PLA2R1: variants seen among roughly 807,000 people sequenced by gnomAD.
The protein encoded by PLA2R1 is secretory phospholipase A2 receptor.
A neutral mutation model predicts 195.9 loss-of-function variants in PLA2R1; 158 were observed. The ratio of observed to expected loss-of-function variants is 0.81; its 90% CI spans 0.71 to 0.92. The LOEUF (loss-of-function observed/expected upper bound fraction) is 0.92, where lower values mean the gene tolerates loss of function less well. Among genes scored for constraint, PLA2R1 ranks in the 40% least tolerant of loss-of-function variants. The pLI is 0.00. For missense variants in PLA2R1, 1,626 were observed against 1,764.6 expected (o/e 0.92, Z 1.41); for synonymous variants, 586 against 598.2 (o/e 0.98, Z 0.30).
At chr2:159,929,773 T>C (rs1686546197), downstream of PLA2R1, among the ~76,000 whole-genome samples, 1 of 151,624 alleles carries the variant, frequency 6.6e-6, no homozygotes, top group Admixed American at 6.6e-5. Flanking sequence ...AATCAATGAG[T>C]GGATAAAGAA....
At position 160,044,912 on chromosome 2, in the gene PLA2R1, T is replaced by C; in HGVS notation, c.355A>G (p.Arg119Gly). The C allele has an allele frequency of 1.2e-6, 2 of 1,614,140 alleles. No individual in the cohort carries two copies. Among genetic ancestry groups the C allele is most frequent in the Non-Finnish European group, 1.7e-6 (2 of 1,180,024 alleles). Residue 119 changes from arginine to glycine, a missense_variant, in exon 2 of 30, where the codon AGG becomes GGG. Physicochemically the swap from Arg to Gly is moderately radical, Grantham distance 125. Transcript: ENST00000283243. ...TLVSLRWRCN[R>G]KMITGPLQYS... ...TGCAGCGGGCCTGTGATCATCTTCC[T>C]GTTACAGCGCCACCGTAAGGAAACG...
intron 24 of PLA2R1, among the ~76,000 whole-genome samples, chr2:159,949,993 A>G (rs756165670): frequency 6.6e-6 from 1 of 152,230 alleles, no homozygotes; most frequent in Non-Finnish European, 1.5e-5. Flanking sequence ...CCCTGCCACA[A>G]TGATTTTCTA....
chr2:159,974,730 G>A (rs988641402), intron 17 of PLA2R1, among the ~76,000 whole-genome samples: 1 of 143,054 alleles, frequency 7.0e-6, no homozygotes, highest in African/African-American at 3.0e-5. Flanking sequence ...ACATCTAGTG[G>A]TTGTTCTGCA....
At chr2:160,017,003 G>C (rs1245709403) in intron 8 of PLA2R1, among the ~76,000 whole-genome samples, 2 of 152,198 alleles carry the variant, frequency 1.3e-5, no homozygotes, top group African/African-American at 4.8e-5. Flanking sequence ...TTAATGCAGG[G>C]CGATTTTCAT....
rs1266824585 is a variant in PLA2R1 at position 159,940,673 on chromosome 2, T to C, written c.*1105A>G. ...TAATAAAGGAAAATAAAATCTGTAA[T>C]TTTTTATTTACAGACAGTATCATAA... On this transcript the variant is annotated 3_prime_UTR_variant, in exon 30 of 30. Coordinates refer to ENST00000283243, the MANE Select transcript of PLA2R1 (RefSeq NM_007366.5). 6.6e-6 allele frequency: 1 copy of C among 152,220 alleles called. No individual in the cohort carries two copies. Among genetic ancestry groups the C allele is most frequent in the African/African-American group, 2.4e-5 (1 of 41,452 alleles). The allele number at this position is 152,220 out of a possible 1,614,324, so 9.4% of individuals were successfully genotyped here.
At position 159,987,254 on chromosome 2, in the gene PLA2R1, C is replaced by A. The variant is rs1487635779; in HGVS notation, c.1939G>T (p.Val647Phe). 2 of 1,613,758 alleles carry A rather than the reference C, an allele frequency of 1.2e-6. No homozygotes were observed. Among genetic ancestry groups the A allele is most frequent in the Admixed American group, 1.7e-5 (1 of 60,022 alleles). ...TACTCTGCTTTTTCCTGATTTTCAA[C>A]TGGCTGCTTGCACAAGGACATTGCC... Reference protein sequence around the residue: ...FKAMSLCKQPVENQEKAEYEE... With the variant: ...FKAMSLCKQPFENQEKAEYEE... Residue 647 changes from valine to phenylalanine, a missense_variant, in exon 12 of 30, where the codon GTT becomes TTT. Val to Phe is a conservative substitution (Grantham distance 50). Coordinates refer to ENST00000283243, the MANE Select transcript of PLA2R1 (RefSeq NM_007366.5).
At position 159,938,083 on chromosome 2, in the gene PLA2R1, G is replaced by A. The variant is rs1340222736; in HGVS notation, c.*3695C>T. 1 of 152,208 alleles carries A rather than the reference G, an allele frequency of 6.6e-6. No individual in the cohort carries two copies. Among genetic ancestry groups the A allele is most frequent in the Non-Finnish European group, 1.5e-5 (1 of 68,040 alleles). The allele number at this position is 152,208 out of a possible 1,614,324, so 9.4% of individuals were successfully genotyped here. A position where few individuals can be genotyped will look rare whatever the true frequency, so the allele number is the denominator to read the frequency against. On this transcript the variant is annotated 3_prime_UTR_variant, in exon 30 of 30. Transcript: ENST00000283243. Reference sequence around the variant, plus strand: ...AGAAAAAATATACATGAAGATTCTGGAAATTAAGTTTCTTAAATACCCATG... The same window carrying A: ...AGAAAAAATATACATGAAGATTCTGAAAATTAAGTTTCTTAAATACCCATG...
intron 1 of PLA2R1, 109 bp downstream of exon 1, chr2:160,062,186 C>A (rs1482076953): frequency 2.3e-6 from 2 of 856,812 alleles, no homozygotes; most frequent in East Asian, 6.3e-5. Context: ...AACGCGGCCG[C>A]CCTTGCCCGC....
rs1256945342 is a variant in PLA2R1 at position 159,949,696 on chromosome 2, A to G, written c.3621T>C (p.Gly1207=). The change falls in exon 25 of 30, where the codon GGT becomes GGC. Residue 1207 remains glycine (G), a synonymous_variant. Coordinates refer to ENST00000283243, the MANE Select transcript of PLA2R1 (RefSeq NM_007366.5). ...CGTTGCTGTCGGCAAAAACGCAGTC[A>G]CCAAGGAGGGAGGACTCCTCATCTT... ...FWKDEESSLL[G]DCVFADSNGR... The G allele has an allele frequency of 1.2e-6, 2 of 1,613,824 alleles. No individual in the cohort carries two copies. Among genetic ancestry groups the G allele is most frequent in the Non-Finnish European group, 1.7e-6 (2 of 1,179,832 alleles).
At chr2:159,950,418 C>G (rs994058056) in intron 24 of PLA2R1, among the ~76,000 whole-genome samples, 2 of 152,124 alleles carry the variant, frequency 1.3e-5, no homozygotes, top group African/African-American at 2.4e-5. Flanking sequence ...TTTAAGTGTA[C>G]GCAGCAATTT....
chr2:159,942,217 T>G, intron 28 of PLA2R1, 58 bp from the exon 29 acceptor site: 4 of 1,319,360 alleles, frequency 3.0e-6, no homozygotes, highest in Non-Finnish European at 3.3e-6. Flanking sequence ...CAAAAATATG[T>G]CATTACTTAC....
chr2:159,970,023 A>T, intron 18 of PLA2R1, 125 bp downstream of exon 18: 1 of 611,276 alleles, frequency 1.6e-6, no homozygotes, highest in African/African-American at 1.9e-5. Flanking sequence ...TTGGTTAGAG[A>T]AGTGAAAATT....
downstream of PLA2R1, among the ~76,000 whole-genome samples, chr2:159,931,833 T>C (rs1686602301): frequency 6.6e-6 from 1 of 152,246 alleles, no homozygotes; most frequent in Non-Finnish European, 1.5e-5. Context: ...AATGACATTG[T>C]CCCTACACCA....
chr2:160,034,840 G>A (rs529021657), intron 3 of PLA2R1, among the ~76,000 whole-genome samples: 13 of 132,018 alleles, frequency 9.8e-5, no homozygotes, highest in South Asian at 4.5e-4. Context: ...AAGCTGAGGC[G>A]GGTGGATTGC....
intron 1 of PLA2R1, among the ~76,000 whole-genome samples, chr2:160,052,647 T>G (rs1232582211): frequency 6.6e-6 from 1 of 152,174 alleles, no homozygotes; most frequent in Non-Finnish European, 1.5e-5. Flanking sequence ...CATTACAAAG[T>G]GCAAGTTAGG....
chr2:159,966,816 T>G (rs1688820291), intron 20 of PLA2R1, among the ~76,000 whole-genome samples: 1 of 152,202 alleles, frequency 6.6e-6, no homozygotes, highest in South Asian at 2.1e-4. Context: ...GGGATGCATT[T>G]TAATTACTTC....
At chr2:160,049,328 A>G (rs2105650370) in intron 1 of PLA2R1, among the ~76,000 whole-genome samples, 1 of 152,188 alleles carries the variant, frequency 6.6e-6, no homozygotes, top group Non-Finnish European at 1.5e-5. Flanking sequence ...CAACTTTTAA[A>G]CCGAAGTTTA....
Position 159,946,928 on chromosome 2 carries a change from G to A in PLA2R1, c.3851-11C>T, listed in dbSNP as rs567870037. On this transcript the variant is annotated splice_polypyrimidine_tract_variant and intron_variant, in intron 26 of 29. Transcript: ENST00000283243. ...TTAAAAGATTAGAACCTATAAGAGA[G>A]ACAAGTAGCAAAGGAATATTTGTGT... The A allele has an allele frequency of 5.2e-5, 79 of 1,508,450 alleles. 2 individuals carry two copies. In the South Asian group the frequency reaches 8.8e-4, roughly 17 times the overall value. The allele number at this position is 1,508,450 out of a possible 1,614,324, so 93.4% of individuals were successfully genotyped here. A position where few individuals can be genotyped will look rare whatever the true frequency, so the allele number is the denominator to read the frequency against.
Position 159,987,155 on chromosome 2 carries a change from C to A in PLA2R1, c.2037+1G>T. 6.2e-7 allele frequency: 1 copy of A among 1,609,476 alleles called. No homozygotes were observed. The highest frequency in any genetic ancestry group is 8.5e-7 in the Non-Finnish European group (1 of 1,175,822). On this transcript the variant is annotated splice_donor_variant, in intron 12 of 29. Coordinates refer to ENST00000283243, the MANE Select transcript of PLA2R1 (RefSeq NM_007366.5). LOFTEE classifies it high-confidence loss of function. ...GAATGTCCATGTAACCTTGGTATCA[C>A]CTTGAAGCAACTGGCCAGACCAGGC...
Sources: gnomAD v4.1 joint callset for allele counts (sites outside exome capture counted in the v4.1 genomes callset) on GRCh38, gnomAD v4.1.1 for gene constraint, MANE v1.5 for transcripts, NCBI Gene and HGNC (gene_info 2026-07-23, HGNC 2026-07-21) for gene names.